The following PPM1L variants were observed in gnomAD, a reference collection of about 807,000 sequenced individuals.
PPM1L encodes the protein protein phosphatase, Mg2+/Mn2+ dependent 1L, also known as protein phosphatase 1L.
Under a neutral mutation model 31.4 loss-of-function variants are expected in PPM1L, and 13 were observed. The ratio of observed to expected loss-of-function variants is 0.41; its 90% CI spans 0.27 to 0.66. The LOEUF is 0.66. PPM1L is among the 30% of genes least tolerant of loss of function. The probability of loss-of-function intolerance (pLI) is 0.29; values close to 1 mark genes in which losing one functional copy is unlikely to be tolerated. For synonymous variants in PPM1L, 184 were observed against 175.4 expected (o/e 1.05, Z -0.39); for missense variants, 326 against 453.7 (o/e 0.72, Z 2.56).
At chr3:160,936,062 C>T (rs1163618944) in intron 1 of PPM1L, among the ~76,000 whole-genome samples, 2 of 152,082 alleles carry the variant, frequency 1.3e-5, no homozygotes, top group African/African-American at 4.8e-5. Flanking sequence ...CTGTTTGGGT[C>T]TCTCCCACCT....
chr3:160,857,738 G>A (rs952006831), intron 1 of PPM1L, among the ~76,000 whole-genome samples: 3 of 152,272 alleles, frequency 2.0e-5, no homozygotes, highest in Admixed American at 2.0e-4. Flanking sequence ...AATAATTACA[G>A]CCTAAAATAA....
chr3:160,979,899 A>G (rs1716739007), intron 2 of PPM1L, among the ~76,000 whole-genome samples: 2 of 152,042 alleles, frequency 1.3e-5, no homozygotes, highest in Non-Finnish European at 2.9e-5. Context: ...AAGTCGACAA[A>G]GGAACTCAGC....
chr3:160,981,027 G>C (rs1716779840), intron 2 of PPM1L, among the ~76,000 whole-genome samples: 2 of 152,288 alleles, frequency 1.3e-5, no homozygotes, highest in South Asian at 4.1e-4. Flanking sequence ...TCCAGAGCAT[G>C]ACAGAAACCA....
intron 1 of PPM1L, among the ~76,000 whole-genome samples, chr3:160,929,313 G>C (rs1026496635): frequency 6.6e-6 from 1 of 152,154 alleles, no homozygotes; most frequent in African/African-American, 2.4e-5. Context: ...TATCAGAGTA[G>C]AATGGCCAAT....
At chr3:160,975,421 T>C (rs1202169082) in intron 2 of PPM1L, among the ~76,000 whole-genome samples, 1 of 152,210 alleles carries the variant, frequency 6.6e-6, no homozygotes, top group Non-Finnish European at 1.5e-5. Flanking sequence ...AAATCATCGG[T>C]AGCTTGATGG....
intron 1 of PPM1L, among the ~76,000 whole-genome samples, chr3:160,944,793 TATATATAAC>T (rs1458427654): frequency 0.013 from 400 of 29,978 alleles, 56 homozygotes; most frequent in African/African-American, 0.035. Context: ...TTATATATGT[TATATATAAC>T]ATATATAACA....
intron 1 of PPM1L, among the ~76,000 whole-genome samples, chr3:160,953,674 A>G (rs1160489834): frequency 6.6e-6 from 1 of 152,156 alleles, no homozygotes; most frequent in Non-Finnish European, 1.5e-5. Flanking sequence ...GGCTCCCTGG[A>G]AACTTGCAAA....
intron 1 of PPM1L, among the ~76,000 whole-genome samples, chr3:160,898,731 C>T (rs1418003789): frequency 6.6e-6 from 1 of 152,184 alleles, no homozygotes; most frequent in Middle Eastern, 3.2e-3. Flanking sequence ...AGACCTATCA[C>T]TGGGGCAATG....
intron 2 of PPM1L, among the ~76,000 whole-genome samples, chr3:161,012,626 T>C (rs1038040248): frequency 4.0e-4 from 61 of 151,868 alleles, no homozygotes; most frequent in Middle Eastern, 3.4e-3. Context: ...TGGTAGAATT[T>C]GGCTGTGAAT....
chr3:160,991,475 A>G (rs1221142675), intron 2 of PPM1L, among the ~76,000 whole-genome samples: 3 of 152,196 alleles, frequency 2.0e-5, no homozygotes, highest in African/African-American at 7.2e-5. Context: ...AAGACTCTCA[A>G]TTACAGATAT....
chr3:161,062,610 A>G (rs564848538), intron 2 of PPM1L, among the ~76,000 whole-genome samples: 1 of 151,766 alleles, frequency 6.6e-6, no homozygotes, highest in Non-Finnish European at 1.5e-5. Context: ...CCTGCTTAAA[A>G]CCCTTCAGTG....
At position 160,839,664 on chromosome 3, in the gene PPM1L, A is replaced by T. The variant is rs186354061; in HGVS notation, c.399+82957A>T. Among the ~76,000 whole-genome samples, 250 of 152,342 alleles carry T rather than the reference A, an allele frequency of 1.6e-3. 6 individuals carry two copies. The highest frequency in any genetic ancestry group is 0.016 in the Admixed American group (245 of 15,294). Reference sequence around the variant, plus strand: ...AGTTTAGAATATAGGTGTTTCTATGACTATTTATTGTTAATTATAACTTAA... The same window carrying T: ...AGTTTAGAATATAGGTGTTTCTATGTCTATTTATTGTTAATTATAACTTAA... On this transcript the variant is annotated intron_variant, in intron 1 of 3. Transcript: ENST00000498165.
intron 1 of PPM1L, among the ~76,000 whole-genome samples, chr3:160,911,853 CCATTTGG>C (rs1251906194): frequency 6.6e-6 from 1 of 152,108 alleles, no homozygotes; most frequent in Non-Finnish European, 1.5e-5. Flanking sequence ...AACATGTAAA[CCATTTGG>C]CATTGGTTCC....
intron 1 of PPM1L, among the ~76,000 whole-genome samples, chr3:160,779,943 G>A (rs1598495): frequency 0.42 from 64,047 of 151,832 alleles, 14,276 homozygotes; most frequent in East Asian, 0.6. Flanking sequence ...TACCTCATAG[G>A]ACTGTTAAGA....
chr3:160,903,106 G>T (rs1713600133), intron 1 of PPM1L, among the ~76,000 whole-genome samples: 1 of 151,608 alleles, frequency 6.6e-6, no homozygotes, highest in South Asian at 2.1e-4. Context: ...CATTGCCCAA[G>T]GTTAGGTGTG....
At chr3:160,792,563 A>G (rs571379266) in intron 1 of PPM1L, among the ~76,000 whole-genome samples, 2 of 152,312 alleles carry the variant, frequency 1.3e-5, no homozygotes, top group African/African-American at 4.8e-5. Context: ...TATTAACTAA[A>G]GTCCATACTT....
At chr3:160,802,720 G>T (rs2108078941) in intron 1 of PPM1L, among the ~76,000 whole-genome samples, 1 of 152,234 alleles carries the variant, frequency 6.6e-6, no homozygotes, top group African/African-American at 2.4e-5. Flanking sequence ...GAAAGAGCAT[G>T]GGCTTTGAAA....
intron 1 of PPM1L, among the ~76,000 whole-genome samples, chr3:160,823,713 T>G (rs1713273857): frequency 6.6e-6 from 1 of 152,138 alleles, no homozygotes; most frequent in Non-Finnish European, 1.5e-5. Flanking sequence ...CTCATTTAAT[T>G]CTCACAAGAA....
chr3:160,917,126 C>T (rs1232653694), intron 1 of PPM1L, among the ~76,000 whole-genome samples: 2 of 152,172 alleles, frequency 1.3e-5, no homozygotes, highest in East Asian at 3.8e-4. Flanking sequence ...TCTTCCACAA[C>T]TTCATGTAAT....
Sources: gnomAD v4.1 joint callset for allele counts (sites outside exome capture counted in the v4.1 genomes callset) on GRCh38, gnomAD v4.1.1 for gene constraint, MANE v1.5 for transcripts, NCBI Gene and HGNC (gene_info 2026-07-23, HGNC 2026-07-21) for gene names.